The following UGT1A7 variants were observed in gnomAD, a reference collection of about 807,000 sequenced individuals.
UGT1A7 encodes the protein UDP-glucuronosyltransferase 1A7.
UGT1A7 carries 33 observed loss-of-function variants against 45.6 expected under a neutral mutation model. The ratio of observed to expected loss-of-function variants is 0.72; its 90% CI spans 0.55 to 0.97. The LOEUF (loss-of-function observed/expected upper bound fraction) is 0.97, where lower values mean the gene tolerates loss of function less well. Among genes scored for constraint, UGT1A7 ranks in the 50% least tolerant of loss-of-function variants. UGT1A7 has a pLI of 0.00. For missense variants in UGT1A7, 684 were observed against 666.2 expected, an observed-to-expected ratio of 1.03 and a Z score of -0.29; for synonymous variants, 274 against 250.6, an observed-to-expected ratio of 1.09 and a Z score of -0.88.
rs553278701 is a variant in UGT1A7 at position 233,687,190 on chromosome 2, G to A, written c.855+4398G>A. ...ATGTGGATATGAATCAGCAATACCC[G>A]TAATTGGGTGGGTGATATGCATTTT... On this transcript the variant is annotated intron_variant, in intron 1 of 4. Coordinates refer to ENST00000373426, the MANE Select transcript of UGT1A7 (RefSeq NM_019077.3). 1.1e-4 allele frequency among the ~76,000 whole-genome samples: 16 copies of A among 152,278 alleles called. No individual in the cohort carries two copies. In the South Asian group the frequency reaches 1.7e-3, roughly 16 times the overall value.
chr2:233,732,797 G>A (rs1219460969), intron 1 of UGT1A7, among the ~76,000 whole-genome samples: 2 of 150,530 alleles, frequency 1.3e-5, no homozygotes, highest in Non-Finnish European at 3.0e-5. Context: ...GGCAATGCAG[G>A]CTCTTTTTTG....
intron 1 of UGT1A7, among the ~76,000 whole-genome samples, chr2:233,732,755 G>GTTTTT (rs956485327): frequency 8.3e-6 from 1 of 120,224 alleles, no homozygotes; most frequent in African/African-American, 3.0e-5. Flanking sequence ...CACCAGCTTT[G>GTTTTT]TTTTTTTTTT....
At chr2:233,711,662 CTA>C (rs1575496334) in intron 1 of UGT1A7, among the ~76,000 whole-genome samples, 1 of 152,198 alleles carries the variant, frequency 6.6e-6, no homozygotes, top group Non-Finnish European at 1.5e-5. Flanking sequence ...AAGGTGGAAT[CTA>C]TTATCAATGT....
intron 2 of UGT1A7, 118 bp from the exon 3 acceptor site, chr2:233,767,727 TCCTC>T (rs945662817): frequency 4.7e-5 from 73 of 1,556,206 alleles, no homozygotes; most frequent in Non-Finnish European, 6.3e-5. Context: ...CAGTTACTGA[TCCTC>T]CCACTCTGTT....
intron 1 of UGT1A7, chr2:233,729,914 T>G (rs774517230): frequency 6.2e-7 from 1 of 1,614,026 alleles, no homozygotes. Context: ...GACTTTGTGA[T>G]GGACTACCCC....
At chr2:233,753,795 C>G (rs760622704) in intron 1 of UGT1A7, 1 of 152,194 alleles carries the variant, frequency 6.6e-6, no homozygotes, top group African/African-American at 2.4e-5. Flanking sequence ...TTTCCAGGAC[C>G]TACCATAGTT....
intron 1 of UGT1A7, chr2:233,693,776 G>A: frequency 6.2e-7 from 1 of 1,614,238 alleles, no homozygotes; most frequent in Non-Finnish European, 8.5e-7. Context: ...GTTAAGATAT[G>A]ACTTTGTGCT....
chr2:233,744,868 A>T (rs938828765), intron 1 of UGT1A7, among the ~76,000 whole-genome samples: 1 of 151,858 alleles, frequency 6.6e-6, no homozygotes, highest in African/African-American at 2.4e-5. Flanking sequence ...TTCTGAAGGG[A>T]TTAGTTTAGG....
rs1468260604 is a variant in UGT1A7, at chr2:233,682,318, G to A, written c.381G>A (p.Leu127=). ...FDLFFSNCRS[L]FNDRKLVEYL... is the part of the protein sequence containing the mutation. ...TATTTTTTTCAAATTGCAGGAGTTTGTTTAATGACCGAAAATTAGTAGAAT... is the reference window on the plus strand; with the variant it reads ...TATTTTTTTCAAATTGCAGGAGTTTATTTAATGACCGAAAATTAGTAGAAT... Residue 127 remains leucine, a synonymous_variant, in exon 1 of 5, where the codon TTG becomes TTA. Coordinates refer to ENST00000373426, the MANE Select transcript of UGT1A7 (RefSeq NM_019077.3). The A allele has an allele frequency of 5.0e-6, 8 of 1,613,998 alleles. No homozygotes were observed. Among genetic ancestry groups the A allele is most frequent in the Non-Finnish European group, 6.8e-6 (8 of 1,180,018 alleles).
chr2:233,761,493 C>T (rs34652311), intron 1 of UGT1A7, among the ~76,000 whole-genome samples: 4,469 of 152,304 alleles, frequency 0.029, 206 homozygotes, highest in African/African-American at 0.1. Flanking sequence ...TGCACCTTGC[C>T]CTGGATTCAG....
At chr2:233,765,117 T>C (rs1698755913) in intron 1 of UGT1A7, among the ~76,000 whole-genome samples, 1 of 152,162 alleles carries the variant, frequency 6.6e-6, no homozygotes, top group Admixed American at 6.5e-5. Flanking sequence ...CTCAGGACTG[T>C]TCAGGTTTTA....
At chr2:233,693,962 T>A in intron 1 of UGT1A7, 2 of 1,580,092 alleles carry the variant, frequency 1.3e-6, no homozygotes, top group Non-Finnish European at 8.6e-7. Flanking sequence ...CTTGGAGGAT[T>A]TCCTGGAGAA....
intron 1 of UGT1A7, chr2:233,692,763 G>A (rs542807063): frequency 8.1e-7 from 1 of 1,239,150 alleles, no homozygotes; most frequent in Admixed American, 3.5e-5. Flanking sequence ...TGGAGCTGAA[G>A]AGAAACACCC....
chr2:233,717,234 A>G (rs2076558835), intron 1 of UGT1A7, among the ~76,000 whole-genome samples: 1 of 152,176 alleles, frequency 6.6e-6, no homozygotes, highest in Admixed American at 6.5e-5. Flanking sequence ...GGTTCTTAAG[A>G]TGCAGACAGT....
At chr2:233,736,387 T>C (rs1375947761) in intron 1 of UGT1A7, among the ~76,000 whole-genome samples, 2 of 152,190 alleles carry the variant, frequency 1.3e-5, no homozygotes, top group African/African-American at 2.4e-5. Flanking sequence ...TTCTCTACAG[T>C]GTTTATTCTA....
At chr2:233,695,723 A>G (rs1232477680) in intron 1 of UGT1A7, among the ~76,000 whole-genome samples, 1 of 152,152 alleles carries the variant, frequency 6.6e-6, no homozygotes, top group Non-Finnish European at 1.5e-5. Flanking sequence ...ACTTCCAGTT[A>G]CATTTATGTT....
In UGT1A7 at chr2:233,760,681, C is replaced by T. The variant is rs769242961; in HGVS notation, c.856-6353C>T. 2 of 1,614,246 alleles carry T rather than the reference C, an allele frequency of 1.2e-6. No homozygotes were observed. The highest frequency in any genetic ancestry group is 1.7e-6 in the Non-Finnish European group (2 of 1,180,048). Reference sequence around the variant, plus strand: ...TTTGTCTGGCTGTTCCCACTTACTGCACAACAAGGAGCTCATGGCCTCCCT... The same window carrying T: ...TTTGTCTGGCTGTTCCCACTTACTGTACAACAAGGAGCTCATGGCCTCCCT... On this transcript the variant is annotated intron_variant, in intron 1 of 4. Coordinates refer to ENST00000373426, the MANE Select transcript of UGT1A7 (RefSeq NM_019077.3).
chr2:233,760,266 C>G (rs778145749), intron 1 of UGT1A7: 1 of 1,612,006 alleles, frequency 6.2e-7, no homozygotes. Flanking sequence ...GAGGGCGAAC[C>G]TCTGGCAGGA....
chr2:233,747,676 A>G (rs1559392611), intron 1 of UGT1A7: 10 of 1,605,156 alleles, frequency 6.2e-6, no homozygotes, highest in Non-Finnish European at 8.5e-6. Flanking sequence ...GACCCAATTT[A>G]CCTCTGTGGG....
Sources: allele counts gnomAD v4.1 joint callset (sites outside exome capture counted in the v4.1 genomes callset), GRCh38; gene constraint gnomAD v4.1.1; transcripts MANE v1.5; gene names NCBI Gene and HGNC (gene_info 2026-07-23, HGNC 2026-07-21).